Variants in MYRIP observed in about 807,000 individuals in gnomAD.
The protein encoded by MYRIP is myosin VIIA and Rab interacting protein, also known as rab effector MyRIP.
In MYRIP, 49 loss-of-function variants were observed where a neutral mutation model predicts 98.0. That is an observed-to-expected ratio of 0.50 (90% CI 0.40 to 0.63). The LOEUF (loss-of-function observed/expected upper bound fraction) is 0.63, where lower values mean the gene tolerates loss of function less well. Ranked by LOEUF, MYRIP falls within the 30% of genes least tolerant of loss-of-function variation. MYRIP has a pLI of 0.00. For synonymous variants in MYRIP, 404 were observed against 409.5 expected (o/e 0.99, Z 0.16); for missense variants, 1,004 against 1,058.2 (o/e 0.95, Z 0.71).
chr3:40,080,791 C>CTTTTTTTTTTTTTTTTTTTT (rs34610302), intron 3 of MYRIP, among the ~76,000 whole-genome samples: 140 of 93,828 alleles, frequency 1.5e-3, no homozygotes, highest in Middle Eastern at 7.4e-3. Context: ...ATCCTAACTT[C>CTTTTTTTTTTTTTTTTTTTT]TTTTTTTTTT....
chr3:40,229,732 C>G (rs1952596451), intron 11 of MYRIP, among the ~76,000 whole-genome samples: 1 of 152,096 alleles, frequency 6.6e-6, no homozygotes, highest in Non-Finnish European at 1.5e-5. Context: ...GGTTGTGAAG[C>G]TGACCTTGTA....
At chr3:40,199,721 A>T (rs557454335) in intron 10 of MYRIP, among the ~76,000 whole-genome samples, 1 of 152,306 alleles carries the variant, frequency 6.6e-6, no homozygotes, top group African/African-American at 2.4e-5. Flanking sequence ...TGATTTTCAA[A>T]TCTTTTTAGG....
intron 2 of MYRIP, among the ~76,000 whole-genome samples, chr3:39,978,022 A>G (rs1027384063): frequency 6.6e-6 from 1 of 150,600 alleles, no homozygotes; most frequent in African/African-American, 2.4e-5. Context: ...AAAAAAAAAG[A>G]CTTTCCAACC....
intron 11 of MYRIP, among the ~76,000 whole-genome samples, chr3:40,228,272 T>C (rs1236812627): frequency 6.6e-6 from 1 of 152,246 alleles, no homozygotes; most frequent in Non-Finnish European, 1.5e-5. Context: ...TGTGCATTTA[T>C]GGGCCCTTTC....
At chr3:40,045,119 C>T (rs1272358824) in intron 3 of MYRIP, among the ~76,000 whole-genome samples, 1 of 151,984 alleles carries the variant, frequency 6.6e-6, no homozygotes, top group Non-Finnish European at 1.5e-5. Flanking sequence ...CTCAGAAGCC[C>T]CTGCCTCCCA....
At chr3:39,938,684 T>A (rs2125707011) in intron 2 of MYRIP, among the ~76,000 whole-genome samples, 1 of 152,278 alleles carries the variant, frequency 6.6e-6, no homozygotes, top group Non-Finnish European at 1.5e-5. Flanking sequence ...TTAGAACTTT[T>A]TTGTAGAGAC....
chr3:40,060,684 T>C (rs4676463), intron 3 of MYRIP, among the ~76,000 whole-genome samples: 43,706 of 150,894 alleles, frequency 0.29, 6,392 homozygotes, highest in South Asian at 0.35. Context: ...CTCCACCTCC[T>C]GGGTTCAAGC....
chr3:39,974,021 C>T (rs1022032394), intron 2 of MYRIP, among the ~76,000 whole-genome samples: 6 of 152,062 alleles, frequency 3.9e-5, no homozygotes, highest in African/African-American at 1.2e-4. Flanking sequence ...ACATTCAAAG[C>T]TAGCAGAAGG....
intron 3 of MYRIP, among the ~76,000 whole-genome samples, chr3:40,131,879 A>AT (rs921339914): frequency 1.3e-5 from 2 of 151,006 alleles, no homozygotes; most frequent in African/African-American, 2.4e-5. Flanking sequence ...AATATCTCTA[A>AT]TTTTTTTTTC....
At chr3:39,848,113 C>T (rs1374007077) in intron 1 of MYRIP, among the ~76,000 whole-genome samples, 1 of 152,168 alleles carries the variant, frequency 6.6e-6, no homozygotes, top group Non-Finnish European at 1.5e-5. Flanking sequence ...TTATAGACGC[C>T]AGACTGTGAG....
chr3:39,865,339 A>G (rs568891932), intron 1 of MYRIP, among the ~76,000 whole-genome samples: 10 of 152,328 alleles, frequency 6.6e-5, no homozygotes, highest in Admixed American at 3.9e-4. Flanking sequence ...TGCCCAACAG[A>G]AACTATTAAC....
intron 2 of MYRIP, among the ~76,000 whole-genome samples, chr3:40,016,402 A>T (rs1399057823): frequency 1.3e-5 from 2 of 152,096 alleles, no homozygotes; most frequent in Admixed American, 6.6e-5. Context: ...ACCAAACAGG[A>T]TCTGCCTCCT....
At chr3:40,115,270 T>G (rs1348211338) in intron 3 of MYRIP, among the ~76,000 whole-genome samples, 3 of 152,180 alleles carry the variant, frequency 2.0e-5, no homozygotes, top group Admixed American at 2.0e-4. Context: ...CTAAGTGTAT[T>G]ATTAGTTCTC....
intron 3 of MYRIP, among the ~76,000 whole-genome samples, chr3:40,110,881 GGTGTGTGTGTGTGTGTGTGTGTGTGTGT>G (rs58040369): frequency 1.1e-4 from 16 of 147,806 alleles, no homozygotes; most frequent in African/African-American, 2.8e-4. Flanking sequence ...TTCATGAAGG[GGTGTGTGTGTGTGTGTGTGTGTGTGTGT>G]GTGTGTGTGT....
intron 3 of MYRIP, among the ~76,000 whole-genome samples, chr3:40,071,618 G>A (rs913228937): frequency 2.0e-5 from 3 of 152,208 alleles, no homozygotes; most frequent in African/African-American, 7.2e-5. Flanking sequence ...GCAGGAGTGA[G>A]GGCCTGGCTT....
At chr3:40,133,730 C>A (rs1171356377) in intron 3 of MYRIP, among the ~76,000 whole-genome samples, 1 of 152,094 alleles carries the variant, frequency 6.6e-6, no homozygotes, top group East Asian at 1.9e-4. Context: ...GACTCTGTCT[C>A]CAAAAACAGG....
chr3:40,155,726 AT>A (rs1165470571), intron 4 of MYRIP, among the ~76,000 whole-genome samples: 2 of 151,798 alleles, frequency 1.3e-5, no homozygotes, highest in Non-Finnish European at 2.9e-5. Flanking sequence ...TTTGATTTGC[AT>A]TTCTCTGATG....
chr3:40,058,809 G>A (rs1553609665), intron 3 of MYRIP, among the ~76,000 whole-genome samples: 1 of 151,916 alleles, frequency 6.6e-6, no homozygotes, highest in Non-Finnish European at 1.5e-5. Flanking sequence ...TATACTTTAA[G>A]TTCTGGGATA....
At chr3:40,090,347 A>T (rs1948718019) in intron 3 of MYRIP, among the ~76,000 whole-genome samples, 1 of 152,196 alleles carries the variant, frequency 6.6e-6, no homozygotes, top group East Asian at 1.9e-4. Flanking sequence ...ATGCCCTTGG[A>T]ATTGGAGAGC....
Sources: gnomAD v4.1 joint callset for allele counts (sites outside exome capture counted in the v4.1 genomes callset) on GRCh38, gnomAD v4.1.1 for gene constraint, MANE v1.5 for transcripts, NCBI Gene and HGNC (gene_info 2026-07-23, HGNC 2026-07-21) for gene names.